The following EIF4E2 variants were observed in gnomAD, a reference collection of about 807,000 sequenced individuals.
The protein encoded by EIF4E2 is eukaryotic translation initiation factor 4E family member 2, also known as eukaryotic translation initiation factor 4E type 2.
Under a neutral mutation model 34.2 loss-of-function variants are expected in EIF4E2, and 13 were observed. The ratio of observed to expected loss-of-function variants is 0.38; its 90% CI spans 0.25 to 0.60. The LOEUF is 0.60. EIF4E2 is among the 20% of genes least tolerant of loss of function. The probability of loss-of-function intolerance (pLI) is 0.62; values close to 1 mark genes in which losing one functional copy is unlikely to be tolerated. For synonymous variants in EIF4E2, 100 were observed against 106.6 expected (o/e 0.94, Z 0.38); for missense variants, 222 against 315.1 (o/e 0.70, Z 2.24).
chr2:232,574,317 TC>T (rs1559322617), intron 6 of EIF4E2: 2 of 1,550,492 alleles, frequency 1.3e-6, no homozygotes, highest in East Asian at 2.4e-5. Context: ...GATCGGACGC[TC>T]CCCCTCTGTC....
chr2:232,577,431 G>A (rs1354566268), intron 6 of EIF4E2, among the ~76,000 whole-genome samples: 1 of 152,218 alleles, frequency 6.6e-6, no homozygotes, highest in Non-Finnish European at 1.5e-5. Context: ...CACAGTGGCA[G>A]TTAACTCCCA....
chr2:232,576,074 C>A (rs952190349), intron 6 of EIF4E2, among the ~76,000 whole-genome samples: 2 of 152,030 alleles, frequency 1.3e-5, no homozygotes, highest in East Asian at 1.9e-4. Flanking sequence ...CGTGGTGGCA[C>A]ACACCTGTTG....
chr2:232,567,700 A>AG (rs1427350461), intron 6 of EIF4E2: 1 of 999,226 alleles, frequency 1.0e-6, no homozygotes, highest in African/African-American at 1.7e-5. Context: ...TCTTAGAAGA[A>AG]GGGGGATAGT....
At chr2:232,580,755 T>C in intron 6 of EIF4E2, 1 of 688,746 alleles carries the variant, frequency 1.5e-6, no homozygotes, top group Non-Finnish European at 2.4e-6. Flanking sequence ...GGTTGCCGTT[T>C]TGGCATTAGA....
intron 1 of EIF4E2, among the ~76,000 whole-genome samples, chr2:232,554,707 A>C (rs985003360): frequency 6.6e-6 from 1 of 152,102 alleles, no homozygotes; most frequent in Non-Finnish European, 1.5e-5. Flanking sequence ...AACAAAATGA[A>C]ACTCCCCTCC....
chr2:232,557,869 T>G lies in EIF4E2; in HGVS notation c.136-15T>G. On this transcript the variant is annotated splice_polypyrimidine_tract_variant and intron_variant, in intron 2 of 6. Transcript: ENST00000258416. ...GACAAATGCCCAGGACTAACACACCTTCTTTACTTCCCAGGCTGTTGTCCC... is the reference window on the plus strand; with the variant it reads ...GACAAATGCCCAGGACTAACACACCGTCTTTACTTCCCAGGCTGTTGTCCC... The G allele has an allele frequency of 6.2e-7, 1 of 1,612,274 alleles. No individual in the cohort carries two copies. Among genetic ancestry groups the G allele is most frequent in the Non-Finnish European group, 8.5e-7 (1 of 1,179,656 alleles).
At chr2:232,574,734 C>T (rs1693168101) in intron 6 of EIF4E2, among the ~76,000 whole-genome samples, 1 of 152,162 alleles carries the variant, frequency 6.6e-6, no homozygotes, top group African/African-American at 2.4e-5. Context: ...ACATGAGTTA[C>T]ATGAGAGGTA....
rs199822591 is a variant in EIF4E2, at chr2:232,558,018, T to A, written c.270T>A (p.Ser90=). The change falls in exon 3 of 7, where the codon TCT becomes TCA. Residue 90 remains serine, a splice_region_variant and synonymous_variant. Coordinates refer to ENST00000258416, the MANE Select transcript of EIF4E2 (RefSeq NM_004846.4). ...QNIKQIGTFA[S]VEQFWRFYSH... ...TCAAACAGATTGGCACCTTTGCCTC[T>A]GTGAGTTCTTGGTGAATTAATGGAG... 5.0e-6 allele frequency: 8 copies of A among 1,613,962 alleles called. No individual in the cohort carries two copies. Among genetic ancestry groups the A allele is most frequent in the Non-Finnish European group, 6.8e-6 (8 of 1,179,942 alleles).
intron 3 of EIF4E2, 81 bp downstream of exon 3, chr2:232,558,099 A>C: frequency 1.3e-6 from 2 of 1,534,472 alleles, no homozygotes; most frequent in East Asian, 4.6e-5. Context: ...TTACTTTCCT[A>C]GTAACCTATT....
In EIF4E2 at chr2:232,577,053, T is replaced by G. The variant is rs151213192; in HGVS notation, c.666-3851T>G. On this transcript the variant is annotated intron_variant, in intron 6 of 6. Transcript: ENST00000409098. ...GACTTCAGTAAAACTCTCAGTGAGC[T>G]GATAGGAAAGGATTCTGATTACTCA... 2.9e-3 allele frequency among the ~76,000 whole-genome samples: 438 copies of G among 152,370 alleles called. 2 individuals carry two copies. Among genetic ancestry groups the G allele is most frequent in the African/African-American group, 0.01 (421 of 41,582 alleles).
intron 2 of EIF4E2, among the ~76,000 whole-genome samples, chr2:232,557,255 CAAAG>C (rs965085758): frequency 1.2e-4 from 18 of 152,222 alleles, no homozygotes; most frequent in Non-Finnish European, 1.8e-4. Context: ...AAAAAACAAA[CAAAG>C]AAATATCAAA....
chr2:232,550,899 G>A, intron 1 of EIF4E2, 155 bp downstream of exon 1: 1 of 774,366 alleles, frequency 1.3e-6, no homozygotes, highest in Non-Finnish European at 2.0e-6. Flanking sequence ...GGGGAGGAGG[G>A]GGCTGGGGAG....
Position 232,557,866 on chromosome 2 carries a change from A to C in EIF4E2, c.136-18A>C, listed in dbSNP as rs778758674. 3.1e-6 allele frequency: 5 copies of C among 1,611,754 alleles called. No homozygotes were observed. The African/African-American group carries it at 6.7e-5, about 22-fold the overall frequency. On this transcript the variant is annotated intron_variant, in intron 2 of 6. Coordinates refer to ENST00000258416, the MANE Select transcript of EIF4E2 (RefSeq NM_004846.4). ...CGTGACAAATGCCCAGGACTAACAC[A>C]CCTTCTTTACTTCCCAGGCTGTTGT...
chr2:232,559,938 C>G (rs949153704), intron 3 of EIF4E2, among the ~76,000 whole-genome samples: 2 of 151,932 alleles, frequency 1.3e-5, no homozygotes, highest in Non-Finnish European at 2.9e-5. Flanking sequence ...CTACAGTGAG[C>G]CTTTTTTGTG....
downstream of EIF4E2, among the ~76,000 whole-genome samples, chr2:232,572,647 C>A (rs1029504095): frequency 6.6e-6 from 1 of 152,172 alleles, no homozygotes; most frequent in Non-Finnish European, 1.5e-5. Context: ...CAGGCGTGAG[C>A]CATGGTGCCC....
chr2:232,558,156 G>A, intron 3 of EIF4E2, 138 bp downstream of exon 3: 1 of 1,158,188 alleles, frequency 8.6e-7, no homozygotes, highest in South Asian at 1.7e-5. Flanking sequence ...TCCGGAGTCA[G>A]ATTTGTTCAT....
intron 6 of EIF4E2, among the ~76,000 whole-genome samples, chr2:232,580,169 G>A (rs898271682): frequency 6.6e-6 from 1 of 151,592 alleles, no homozygotes; most frequent in Admixed American, 6.6e-5. Flanking sequence ...AAAGTAAAGT[G>A]AAAGGTACCC....
intron 6 of EIF4E2, chr2:232,567,825 G>A (rs933504788): frequency 1.0e-6 from 1 of 985,584 alleles, no homozygotes; most frequent in East Asian, 1.1e-4. Context: ...GAGAATCACT[G>A]TTAGGCTTGC....
At chr2:232,573,388 A>G (rs756628345), downstream of EIF4E2, among the ~76,000 whole-genome samples, 2 of 152,204 alleles carry the variant, frequency 1.3e-5, no homozygotes, top group Non-Finnish European at 2.9e-5. Context: ...ATAATTCCCA[A>G]GGAACTCCTC....
Sources: allele counts gnomAD v4.1 joint callset (sites outside exome capture counted in the v4.1 genomes callset), GRCh38; gene constraint gnomAD v4.1.1; transcripts MANE v1.5; gene names NCBI Gene and HGNC (gene_info 2026-07-23, HGNC 2026-07-21).